The following PITPNC1 variants were observed in gnomAD, a reference collection of about 807,000 sequenced individuals.
PITPNC1 encodes the protein cytoplasmic phosphatidylinositol transfer protein 1.
In PITPNC1, 18 loss-of-function variants were observed where a neutral mutation model predicts 44.7. The ratio of observed to expected loss-of-function variants is 0.40; its 90% confidence interval spans 0.28 to 0.60. The LOEUF is 0.60. PITPNC1 is among the 20% of genes least tolerant of loss of function. The pLI is 0.39. For synonymous variants in PITPNC1, 141 were observed against 149.6 expected (o/e 0.94, Z 0.42); for missense variants, 290 against 418.4 (o/e 0.69, Z 2.68).
At chr17:67,420,591 C>T (rs1345799967) in intron 1 of PITPNC1, among the ~76,000 whole-genome samples, 1 of 151,968 alleles carries the variant, frequency 6.6e-6, no homozygotes, top group African/African-American at 2.4e-5. Flanking sequence ...ACCACCACGC[C>T]TGGCTGATTT....
chr17:67,519,189 T>G (rs2040295693), intron 1 of PITPNC1, among the ~76,000 whole-genome samples: 2 of 147,608 alleles, frequency 1.4e-5, no homozygotes, highest in Non-Finnish European at 3.0e-5. Context: ...TTTTTTTTTT[T>G]TTTTTGAGAT....
At chr17:67,464,745 T>A (rs2143983453) in intron 1 of PITPNC1, among the ~76,000 whole-genome samples, 1 of 71,600 alleles carries the variant, frequency 1.4e-5, no homozygotes, top group Admixed American at 1.3e-4. Context: ...ACTCTCTCAC[T>A]TTTTTTTTTT....
intron 1 of PITPNC1, among the ~76,000 whole-genome samples, chr17:67,468,758 A>G (rs1477329603): frequency 6.6e-6 from 1 of 150,608 alleles, no homozygotes; most frequent in Non-Finnish European, 1.5e-5. Context: ...GTGCAGTGGC[A>G]CTATCTCGGC....
intron 1 of PITPNC1, among the ~76,000 whole-genome samples, chr17:67,416,381 A>T (rs2038590279): frequency 6.6e-6 from 1 of 151,226 alleles, no homozygotes; most frequent in South Asian, 2.1e-4. Context: ...ACGCTTGGCT[A>T]ATTTTTTTGT....
chr17:67,385,039 G>A (rs1231277550), intron 1 of PITPNC1, among the ~76,000 whole-genome samples: 1 of 152,292 alleles, frequency 6.6e-6, no homozygotes, highest in East Asian at 1.9e-4. Context: ...AGGGACCAAG[G>A]TCAGGGTCAT....
intron 7 of PITPNC1, among the ~76,000 whole-genome samples, chr17:67,673,214 C>T (rs554423738): frequency 2.0e-5 from 3 of 152,156 alleles, no homozygotes; most frequent in Non-Finnish European, 4.4e-5. Flanking sequence ...AATTAAAATC[C>T]TTCATTTATT....
At chr17:67,670,947 TC>T (rs914897422) in intron 7 of PITPNC1, among the ~76,000 whole-genome samples, 40 of 151,930 alleles carry the variant, frequency 2.6e-4, no homozygotes, top group Non-Finnish European at 5.0e-4. Context: ...AGTGGCACAA[TC>T]TCAGCTCACT....
At chr17:67,436,292 C>T (rs1174998703) in intron 1 of PITPNC1, among the ~76,000 whole-genome samples, 3 of 152,168 alleles carry the variant, frequency 2.0e-5, no homozygotes, top group Admixed American at 6.5e-5. Context: ...GCCTGAGCCA[C>T]CGTGTCTGGC....
intron 1 of PITPNC1, among the ~76,000 whole-genome samples, chr17:67,477,303 A>G (rs529863186): frequency 1.4e-5 from 2 of 144,674 alleles, no homozygotes; most frequent in South Asian, 2.2e-4. Context: ...CTGGAGTGCA[A>G]TGGCACAGTC....
At chr17:67,381,688 A>G (rs1002675566) in intron 1 of PITPNC1, among the ~76,000 whole-genome samples, 8 of 150,744 alleles carry the variant, frequency 5.3e-5, no homozygotes, top group South Asian at 2.1e-4. Context: ...GGATGGTCTC[A>G]ATCTCCTGAC....
intron 1 of PITPNC1, among the ~76,000 whole-genome samples, chr17:67,433,926 A>ATAT (rs1374110260): frequency 6.6e-6 from 1 of 151,992 alleles, no homozygotes; most frequent in Admixed American, 6.6e-5. Context: ...AATAATAATA[A>ATAT]TAATAAAGAG....
At chr17:67,427,603 C>T (rs937861639) in intron 1 of PITPNC1, among the ~76,000 whole-genome samples, 18 of 152,214 alleles carry the variant, frequency 1.2e-4, no homozygotes, top group African/African-American at 4.1e-4. Flanking sequence ...AGTCATCCTT[C>T]ATTACACATG....
intron 4 of PITPNC1, among the ~76,000 whole-genome samples, chr17:67,555,775 C>T (rs1015713284): frequency 7.2e-5 from 11 of 151,742 alleles, no homozygotes; most frequent in African/African-American, 2.7e-4. Flanking sequence ...ACCCAGGAGG[C>T]AGAGGTTGCA....
intron 2 of PITPNC1, among the ~76,000 whole-genome samples, chr17:67,538,219 A>AAG (rs1468762495): frequency 2.0e-5 from 3 of 152,116 alleles, no homozygotes; most frequent in Admixed American, 2.0e-4. Flanking sequence ...TATTGAGGGG[A>AAG]AGATGAACTC....
intron 4 of PITPNC1, among the ~76,000 whole-genome samples, 172 bp downstream of exon 4, chr17:67,553,789 A>G (rs1380252550): frequency 6.6e-6 from 1 of 152,240 alleles, no homozygotes; most frequent in Admixed American, 6.5e-5. Flanking sequence ...AATAATTTGA[A>G]TGTTCTCATT....
At chr17:67,578,361 C>T (rs1440931446) in intron 5 of PITPNC1, 104 bp downstream of exon 5, 1 of 770,238 alleles carries the variant, frequency 1.3e-6, no homozygotes, top group East Asian at 2.6e-5. Context: ...GGACCTGTGC[C>T]TGGGACCTCA....
chr17:67,593,296 CTT>C (rs922424785), intron 5 of PITPNC1, among the ~76,000 whole-genome samples: 24 of 138,170 alleles, frequency 1.7e-4, no homozygotes, highest in African/African-American at 3.7e-4. Flanking sequence ...GAAATTTTCT[CTT>C]TTTTTTTTTT....
chr17:67,535,637 C>A (rs535787745), intron 2 of PITPNC1, among the ~76,000 whole-genome samples: 2 of 152,230 alleles, frequency 1.3e-5, no homozygotes, highest in South Asian at 2.1e-4. Flanking sequence ...ATGTGGACTT[C>A]CAGTAATAGT....
At chr17:67,412,195 A>G (rs910551888) in intron 1 of PITPNC1, among the ~76,000 whole-genome samples, 3 of 152,178 alleles carry the variant, frequency 2.0e-5, no homozygotes, top group Non-Finnish European at 2.9e-5. Context: ...ATAGCCATTA[A>G]TACTACTCCT....
Sources: gnomAD v4.1 joint callset for allele counts (sites outside exome capture counted in the v4.1 genomes callset) on GRCh38, gnomAD v4.1.1 for gene constraint, MANE v1.5 for transcripts, NCBI Gene and HGNC (gene_info 2026-07-23, HGNC 2026-07-21) for gene names.